TPD52: variants seen among roughly 807,000 people sequenced by gnomAD.
The protein encoded by TPD52 is tumor protein D52.
In TPD52, 17 loss-of-function variants were observed where a neutral mutation model predicts 31.3. That is an observed-to-expected ratio of 0.54 (90% CI 0.37 to 0.82). TPD52 has a LOEUF of 0.82. Ranked by LOEUF, TPD52 falls within the 40% of genes least tolerant of loss-of-function variation. The pLI is 0.00. For missense variants in TPD52, 212 were observed against 240.1 expected (o/e 0.88, Z 0.77); for synonymous variants, 83 against 89.6 (o/e 0.93, Z 0.42).
intron 1 of TPD52, among the ~76,000 whole-genome samples, chr8:80,087,671 A>C (rs1815919626): frequency 6.6e-6 from 1 of 152,196 alleles, no homozygotes; most frequent in South Asian, 2.1e-4. Flanking sequence ...GAGAGCTGGA[A>C]GGGCTCTCTC....
intron 1 of TPD52, among the ~76,000 whole-genome samples, chr8:80,068,358 A>G (rs1474991607): frequency 6.6e-6 from 1 of 152,180 alleles, no homozygotes; most frequent in East Asian, 1.9e-4. Flanking sequence ...TTAGAGAAAC[A>G]TCAATGATCA....
intron 1 of TPD52, among the ~76,000 whole-genome samples, chr8:80,076,156 T>C (rs1814506202): frequency 6.6e-6 from 1 of 152,198 alleles, no homozygotes; most frequent in African/African-American, 2.4e-5. Context: ...CATTACTGGG[T>C]ATACACCCAA....
intron 1 of TPD52, among the ~76,000 whole-genome samples, chr8:80,088,723 T>C (rs1476719686): frequency 6.6e-6 from 1 of 152,114 alleles, no homozygotes; most frequent in African/African-American, 2.4e-5. Context: ...ATGGGGTCTT[T>C]AGGAGGTAAT....
Position 80,120,071 on chromosome 8 carries a change from T to A in TPD52, c.19+51354A>T, listed in dbSNP as rs532137760. Among the ~76,000 whole-genome samples, 3 of 152,114 alleles carry A rather than the reference T, an allele frequency of 2.0e-5. No individual in the cohort carries two copies. The East Asian group carries it at 5.8e-4, about 29-fold the overall frequency. ...AGAATAGCACAAGTTAAAAGACAAG[T>A]GACAGCCTGAGAGAAAATATTTATA... On this transcript the variant is annotated intron_variant, in intron 1 of 7. Transcript: ENST00000518937.
chr8:80,120,987 C>G (rs1808220619), intron 1 of TPD52, among the ~76,000 whole-genome samples: 1 of 151,128 alleles, frequency 6.6e-6, no homozygotes, highest in Non-Finnish European at 1.5e-5. Context: ...GAGGCTGAGG[C>G]AGGAGGATAG....
Position 80,037,312 on chromosome 8 carries a change from T to A in TPD52, c.*804A>T, listed in dbSNP as rs1272950736. The A allele has an allele frequency of 1.3e-5, 2 of 152,396 alleles. No homozygotes were observed. The highest frequency in any genetic ancestry group is 2.4e-5 in the African/African-American group (1 of 41,454). The allele number at this position is 152,396 out of a possible 1,614,324, so 9.4% of individuals were successfully genotyped here. A position where few individuals can be genotyped will look rare whatever the true frequency, so the allele number is the denominator to read the frequency against. ...GAACATTGATGACAGTGTTCATAGT[T>A]CAACCTACTGAACATACAGTGTGCT... is the stretch of plus-strand genomic sequence containing the variant. On this transcript the variant is annotated 3_prime_UTR_variant, in exon 8 of 8. Transcript: ENST00000518937.
At chr8:80,077,592 C>T (rs916694840) in intron 1 of TPD52, among the ~76,000 whole-genome samples, 1 of 152,134 alleles carries the variant, frequency 6.6e-6, no homozygotes, top group Non-Finnish European at 1.5e-5. Context: ...AAACAAAAAA[C>T]CAAACCACTA....
chr8:80,047,421 T>C (rs1487101990), intron 5 of TPD52, among the ~76,000 whole-genome samples: 1 of 152,204 alleles, frequency 6.6e-6, no homozygotes, highest in Non-Finnish European at 1.5e-5. Context: ...CACATATGCA[T>C]AGAAAATATG....
At chr8:80,063,411 T>G (rs1422306927) in intron 2 of TPD52, among the ~76,000 whole-genome samples, 1 of 152,102 alleles carries the variant, frequency 6.6e-6, no homozygotes, top group Non-Finnish European at 1.5e-5. Context: ...GTAGTCAGGA[T>G]TGAATGCTTA....
At chr8:80,160,000 G>C (rs1349238565) in intron 1 of TPD52, among the ~76,000 whole-genome samples, 1 of 152,116 alleles carries the variant, frequency 6.6e-6, no homozygotes, top group South Asian at 2.1e-4. Flanking sequence ...AGACCAGTCT[G>C]GGCAACATAG....
intron 1 of TPD52, among the ~76,000 whole-genome samples, chr8:80,122,003 GCTTA>G (rs1279096762): frequency 2.9e-5 from 4 of 138,126 alleles, no homozygotes; most frequent in Admixed American, 7.5e-5. Context: ...CCTTTGCTTT[GCTTA>G]CTTACACCTT....
chr8:80,088,339 TTTTCGTCAGA>T (rs2130868882), intron 1 of TPD52, among the ~76,000 whole-genome samples: 1 of 152,288 alleles, frequency 6.6e-6, no homozygotes, highest in Non-Finnish European at 1.5e-5. Context: ...AGGAATTTGG[TTTTCGTCAGA>T]TTAAAGCAAC....
At chr8:80,118,724 A>G (rs185126403) in intron 1 of TPD52, among the ~76,000 whole-genome samples, 15 of 152,338 alleles carry the variant, frequency 9.8e-5, no homozygotes, top group Non-Finnish European at 1.9e-4. Flanking sequence ...AAACCACCTC[A>G]TGCTTCACAC....
intron 1 of TPD52, among the ~76,000 whole-genome samples, chr8:80,090,927 T>C (rs1193615232): frequency 6.6e-6 from 1 of 152,206 alleles, no homozygotes; most frequent in African/African-American, 2.4e-5. Flanking sequence ...TCTTCTGCCC[T>C]CTCAAAATAA....
chr8:80,170,485 T>G (rs1002600503), intron 1 of TPD52, among the ~76,000 whole-genome samples: 1 of 152,160 alleles, frequency 6.6e-6, no homozygotes, highest in African/African-American at 2.4e-5. Context: ...TATGGTTTGA[T>G]TTACATAAAA....
At chr8:80,146,397 G>A (rs916319548) in intron 1 of TPD52, among the ~76,000 whole-genome samples, 1 of 152,190 alleles carries the variant, frequency 6.6e-6, no homozygotes, top group African/African-American at 2.4e-5. Context: ...GCAGCCCAAA[G>A]CCCATTTCAG....
chr8:80,062,020 G>A (rs1465894670), intron 2 of TPD52, among the ~76,000 whole-genome samples: 1 of 152,158 alleles, frequency 6.6e-6, no homozygotes, highest in Non-Finnish European at 1.5e-5. Context: ...TAAACTGAAC[G>A]CGAGCCCTAT....
chr8:80,136,045 G>A (rs1187033450), intron 1 of TPD52, among the ~76,000 whole-genome samples: 138 of 135,994 alleles, frequency 1.0e-3, no homozygotes, highest in Non-Finnish European at 1.9e-3. Flanking sequence ...TGACGAGTTA[G>A]TGGGTGCAGC....
intron 1 of TPD52, among the ~76,000 whole-genome samples, chr8:80,157,647 G>A (rs999186249): frequency 6.6e-6 from 1 of 152,314 alleles, no homozygotes; most frequent in East Asian, 1.9e-4. Context: ...CAAGCTTCAG[G>A]TTGGCCCTTA....
Sources: allele counts gnomAD v4.1 joint callset (sites outside exome capture counted in the v4.1 genomes callset), GRCh38; gene constraint gnomAD v4.1.1; transcripts MANE v1.5; gene names NCBI Gene and HGNC (gene_info 2026-07-23, HGNC 2026-07-21).